The following PIBF1 variants were observed in gnomAD, a reference collection of about 807,000 sequenced individuals.
The protein encoded by PIBF1 is progesterone-induced-blocking factor 1.
In PIBF1, 90 loss-of-function variants were observed where a neutral mutation model predicts 112.5. That is an observed-to-expected ratio of 0.80 (90% CI 0.67 to 0.95). The LOEUF (loss-of-function observed/expected upper bound fraction) is 0.95, where lower values mean the gene tolerates loss of function less well. Ranked by LOEUF, PIBF1 falls within the 40% of genes least tolerant of loss-of-function variation. PIBF1 has a pLI of 0.00. For missense variants in PIBF1, 915 were observed against 852.3 expected (o/e 1.07, Z -0.92); for synonymous variants, 301 against 288.6 (o/e 1.04, Z -0.44).
chr13:72,882,886 C>T (rs940411624), intron 10 of PIBF1, among the ~76,000 whole-genome samples: 10 of 152,132 alleles, frequency 6.6e-5, no homozygotes, highest in Non-Finnish European at 1.5e-4. Flanking sequence ...TTGGAGGTTC[C>T]TCAAAAAACT....
chr13:72,849,144 CAT>C (rs2038014338), intron 9 of PIBF1, among the ~76,000 whole-genome samples: 1 of 152,118 alleles, frequency 6.6e-6, no homozygotes, highest in Admixed American at 6.6e-5. Flanking sequence ...GGGAAAAATA[CAT>C]ATGTGTATAT....
chr13:72,885,739 C>T (rs2039824536), intron 10 of PIBF1, among the ~76,000 whole-genome samples: 1 of 152,152 alleles, frequency 6.6e-6, no homozygotes, highest in African/African-American at 2.4e-5. Flanking sequence ...TCAGGCAGAA[C>T]CGTGGCATCT....
At chr13:73,010,822 T>C (rs980017308) in intron 17 of PIBF1, among the ~76,000 whole-genome samples, 8 of 113,396 alleles carry the variant, frequency 7.1e-5, no homozygotes, top group Non-Finnish European at 1.2e-4. Context: ...TTTTTTTTTT[T>C]TTTTTTTTTT....
At chr13:72,853,405 C>G (rs2038261437) in intron 9 of PIBF1, among the ~76,000 whole-genome samples, 1 of 152,132 alleles carries the variant, frequency 6.6e-6, no homozygotes, top group South Asian at 2.1e-4. Flanking sequence ...ATCTTGTTAG[C>G]CACCAAAATT....
chr13:72,813,443 A>G (rs1486316333), intron 5 of PIBF1, among the ~76,000 whole-genome samples: 2 of 152,196 alleles, frequency 1.3e-5, no homozygotes, highest in Non-Finnish European at 2.9e-5. Flanking sequence ...CTGTCTCACA[A>G]TAATTTATTA....
chr13:72,798,335 G>A (rs777726091), intron 5 of PIBF1, among the ~76,000 whole-genome samples: 23 of 152,256 alleles, frequency 1.5e-4, no homozygotes, highest in Middle Eastern at 3.4e-3. Context: ...CTTAGATGAC[G>A]CATATGCATG....
At position 72,877,836 on chromosome 13, in the gene PIBF1, G is replaced by A. The variant is rs145102332; in HGVS notation, c.1323-15948G>A. On this transcript the variant is annotated intron_variant, in intron 10 of 17. Coordinates refer to ENST00000326291, the MANE Select transcript of PIBF1 (RefSeq NM_006346.4). ...ACAATCTCAGCTCACCTCAACCTCC[G>A]CCTCTCTGGTTCAAGCAATTCTCCT... Among the ~76,000 whole-genome samples, 837 of 149,784 alleles carry A rather than the reference G, an allele frequency of 5.6e-3. 14 individuals are homozygous for A. The highest frequency in any genetic ancestry group is 0.018 in the African/African-American group (740 of 40,624).
In PIBF1 at chr13:72,792,462, G is replaced by A. The variant is rs760970676; in HGVS notation, c.268G>A (p.Glu90Lys). 7.1e-6 allele frequency: 11 copies of A among 1,556,920 alleles called. No homozygotes were observed. In the South Asian group the frequency reaches 8.6e-5, roughly 12 times the overall value. ...DYLTKIEELE[E>K]KLNDALHQKQ... ...CTTTACGAAGATTGAAGAATTGGAG[G>A]AGAAACTTAATGATGCACTTCACCA... is the stretch of plus-strand genomic sequence containing the variant. Residue 90 changes from glutamate (E) to lysine (K), a missense_variant, in exon 3 of 18, where the codon GAG (glutamate) becomes AAG (lysine). Glu to Lys is a moderately conservative substitution (Grantham distance 56, BLOSUM62 1). Coordinates refer to ENST00000326291, the MANE Select transcript of PIBF1 (RefSeq NM_006346.4).
chr13:72,841,139 A>C (rs1221761786), intron 9 of PIBF1, among the ~76,000 whole-genome samples: 1 of 152,218 alleles, frequency 6.6e-6, no homozygotes, highest in Non-Finnish European at 1.5e-5. Flanking sequence ...TTGAAATTAT[A>C]ATATGTATGT....
At chr13:72,933,857 G>A (rs1274311803) in intron 14 of PIBF1, among the ~76,000 whole-genome samples, 1 of 152,168 alleles carries the variant, frequency 6.6e-6, no homozygotes, top group Non-Finnish European at 1.5e-5. Flanking sequence ...AAATGGTATG[G>A]TGCCTGGAAT....
Position 72,821,837 on chromosome 13 carries a change from T to G in PIBF1, c.673-12T>G. 1 of 1,597,902 alleles carries G rather than the reference T, an allele frequency of 6.3e-7. No homozygotes were observed. Among genetic ancestry groups the G allele is most frequent in the Admixed American group, 1.7e-5 (1 of 57,724 alleles). ...TTAGTCTGAAATGTGTTATTATTCC[T>G]TTGGTTTATAGACATATGAGGAAGA... On this transcript the variant is annotated splice_polypyrimidine_tract_variant and intron_variant, in intron 5 of 17. Transcript: ENST00000326291.
intron 8 of PIBF1, among the ~76,000 whole-genome samples, chr13:72,834,558 T>C (rs1286326335): frequency 6.6e-6 from 1 of 152,094 alleles, no homozygotes; most frequent in Admixed American, 6.5e-5. Flanking sequence ...GCCCAGGAGT[T>C]CGGGGTTACA....
At chr13:72,831,526 A>T (rs996950385) in intron 8 of PIBF1, among the ~76,000 whole-genome samples, 2 of 152,210 alleles carry the variant, frequency 1.3e-5, no homozygotes, top group African/African-American at 4.8e-5. Flanking sequence ...TTGTTTACCC[A>T]GTAGTCATTC....
intron 12 of PIBF1, among the ~76,000 whole-genome samples, chr13:72,912,368 A>G (rs2040924626): frequency 6.6e-6 from 1 of 152,222 alleles, no homozygotes; most frequent in South Asian, 2.1e-4. Context: ...CATGGGCAAA[A>G]GGTTTAAACA....
intron 16 of PIBF1, among the ~76,000 whole-genome samples, chr13:72,979,563 G>T (rs1170802866): frequency 6.6e-6 from 1 of 152,146 alleles, no homozygotes; most frequent in Non-Finnish European, 1.5e-5. Context: ...GTGAGTGAAG[G>T]TGGTGTCTTG....
intron 15 of PIBF1, among the ~76,000 whole-genome samples, chr13:72,972,604 C>T (rs2042924308): frequency 6.6e-6 from 1 of 151,086 alleles, no homozygotes; most frequent in Non-Finnish European, 1.5e-5. Flanking sequence ...GCAGAGGTTG[C>T]AGTGAGCCGA....
At chr13:72,982,243 G>A (rs796500663) in intron 16 of PIBF1, among the ~76,000 whole-genome samples, 24 of 152,218 alleles carry the variant, frequency 1.6e-4, no homozygotes, top group African/African-American at 5.8e-4. Flanking sequence ...TTCAAGATCA[G>A]CCTGGGCAAC....
intron 8 of PIBF1, among the ~76,000 whole-genome samples, chr13:72,832,914 T>TC (rs2037189624): frequency 1.7e-5 from 1 of 58,728 alleles, no homozygotes; most frequent in South Asian, 7.8e-4. Context: ...CAATCAAACG[T>TC]ATTTTTGTCT....
chr13:72,836,859 G>T lies in PIBF1; in HGVS notation c.1223+1491G>T, dbSNP rs1692144742. On this transcript the variant is annotated intron_variant, in intron 9 of 17. Coordinates refer to ENST00000326291, the MANE Select transcript of PIBF1 (RefSeq NM_006346.4). Reference sequence around the variant, plus strand: ...TGCATAGATCTTTATCTACCTGTTTGATCTTTTTTGAAAGTCTGCATTAGA... The same window carrying T: ...TGCATAGATCTTTATCTACCTGTTTTATCTTTTTTGAAAGTCTGCATTAGA... Among the ~76,000 whole-genome samples, 5 of 152,098 alleles carry T rather than the reference G, an allele frequency of 3.3e-5. No homozygotes were observed. In the South Asian group the frequency reaches 1.0e-3, roughly 32 times the overall value.
Sources: allele counts gnomAD v4.1 joint callset (sites outside exome capture counted in the v4.1 genomes callset), GRCh38; gene constraint gnomAD v4.1.1; transcripts MANE v1.5; gene names NCBI Gene and HGNC (gene_info 2026-07-23, HGNC 2026-07-21).